The following SDK1 variants were observed in gnomAD, a reference collection of about 807,000 sequenced individuals.
The protein encoded by SDK1 is protein sidekick-1.
Under a neutral mutation model 245.5 loss-of-function variants are expected in SDK1, and 157 were observed. The observed-to-expected ratio is 0.64, with a 90% CI of 0.56 to 0.73. SDK1 has a LOEUF of 0.73. Ranked by LOEUF, SDK1 falls within the 30% of genes least tolerant of loss-of-function variation. SDK1 has a pLI of 0.00. For synonymous variants in SDK1, 1,647 were observed against 1,278.5 expected (o/e 1.29, Z -6.15); for missense variants, 3,583 against 3,002.3 (o/e 1.19, Z -4.52).
Position 4,214,287 on chromosome 7 carries a change from C to T in SDK1, c.5539+4125C>T, listed in dbSNP as rs570235177. 2.2e-4 allele frequency among the ~76,000 whole-genome samples: 33 copies of T among 152,296 alleles called. No homozygotes were observed. The South Asian group carries it at 6.6e-3, about 31-fold the overall frequency. ...GGGGCTTGAGGAGGATTCACTAAAG[C>T]GTTTTATATTCTAGACAAACCGCTG... On this transcript the variant is annotated intron_variant, in intron 38 of 44. Transcript: ENST00000404826.
At chr7:3,949,454 C>T (rs554034346) in intron 5 of SDK1, among the ~76,000 whole-genome samples, 4 of 152,364 alleles carry the variant, frequency 2.6e-5, no homozygotes, top group Admixed American at 1.3e-4. Context: ...GGCCCTCACC[C>T]CACCGCCAGC....
intron 4 of SDK1, among the ~76,000 whole-genome samples, chr7:3,712,976 C>T (rs940487084): frequency 4.6e-5 from 7 of 152,216 alleles, no homozygotes; most frequent in African/African-American, 1.4e-4. Flanking sequence ...GCCTGACACC[C>T]AGGAATGCTG....
chr7:3,552,470 C>G (rs951818596), intron 1 of SDK1, among the ~76,000 whole-genome samples: 2 of 152,212 alleles, frequency 1.3e-5, no homozygotes, highest in Non-Finnish European at 2.9e-5. Context: ...TACCTCTTCT[C>G]CCTCTCATCT....
chr7:4,008,063 C>T (rs1026141746), intron 14 of SDK1, among the ~76,000 whole-genome samples: 4 of 152,168 alleles, frequency 2.6e-5, no homozygotes, highest in African/African-American at 9.7e-5. Context: ...AGTCGCTCCC[C>T]GTTGCCCTTT....
intron 44 of SDK1, among the ~76,000 whole-genome samples, chr7:4,256,957 G>A (rs992412582): frequency 3.9e-5 from 6 of 152,316 alleles, no homozygotes; most frequent in African/African-American, 1.4e-4. Context: ...CCTGATCGGA[G>A]GTGCTCCTCT....
chr7:3,812,624 A>G lies in SDK1; in HGVS notation c.714-8826A>G, dbSNP rs1000572912. On this transcript the variant is annotated intron_variant, in intron 4 of 44. Transcript: ENST00000404826. ...TGAAATGTTTTTCAAGGCATGGGCC[A>G]TTATGGTAACTAAACTGGTGGAGGC... 4.6e-5 allele frequency among the ~76,000 whole-genome samples: 7 copies of G among 152,240 alleles called. No homozygotes were observed. In the South Asian group the frequency reaches 1.4e-3, roughly 31 times the overall value.
chr7:4,237,809 G>A (rs368983757), intron 42 of SDK1, 25 bp downstream of exon 42: 169 of 1,612,938 alleles, frequency 1.0e-4, no homozygotes, highest in Non-Finnish European at 1.4e-4. Flanking sequence ...CCTTCCTCGC[G>A]TGTCCCACGA....
chr7:3,477,896 C>A (rs1297172986), intron 1 of SDK1, among the ~76,000 whole-genome samples: 1 of 152,206 alleles, frequency 6.6e-6, no homozygotes, highest in African/African-American at 2.4e-5. Context: ...CTGATTTGTT[C>A]GTTTCACAGG....
intron 5 of SDK1, among the ~76,000 whole-genome samples, chr7:3,829,134 A>T (rs1472118605): frequency 6.6e-6 from 1 of 152,218 alleles, no homozygotes; most frequent in Non-Finnish European, 1.5e-5. Context: ...ATTAAAATAT[A>T]CTGAAATAGT....
intron 17 of SDK1, among the ~76,000 whole-genome samples, chr7:4,047,945 G>A (rs547416321): frequency 3.3e-5 from 5 of 152,332 alleles, no homozygotes; most frequent in Non-Finnish European, 7.3e-5. Flanking sequence ...ATGGCAAGTA[G>A]GGCAGTTTCC....
intron 5 of SDK1, among the ~76,000 whole-genome samples, chr7:3,843,468 A>C (rs1007560633): frequency 6.6e-5 from 10 of 151,952 alleles, no homozygotes; most frequent in Non-Finnish European, 1.5e-4. Context: ...ATAGGACTTG[A>C]CTCTTTCTTC....
chr7:3,801,819 G>A (rs996987089), intron 4 of SDK1, among the ~76,000 whole-genome samples: 1 of 152,166 alleles, frequency 6.6e-6, no homozygotes, highest in Admixed American at 6.5e-5. Flanking sequence ...TCTCACCTCC[G>A]TCTTCATGTG....
At chr7:3,603,680 C>T (rs190372337) in intron 1 of SDK1, among the ~76,000 whole-genome samples, 7 of 152,264 alleles carry the variant, frequency 4.6e-5, no homozygotes, top group African/African-American at 1.4e-4. Context: ...TTGTTTCCTT[C>T]TCCTGCCTGA....
At chr7:4,224,596 A>G (rs1409933359) in intron 40 of SDK1, among the ~76,000 whole-genome samples, 2 of 152,200 alleles carry the variant, frequency 1.3e-5, no homozygotes, top group African/African-American at 2.4e-5. Flanking sequence ...GAGCCAAACA[A>G]TATCACCAGT....
intron 13 of SDK1, among the ~76,000 whole-genome samples, chr7:3,979,084 A>T (rs1302750481): frequency 6.6e-6 from 1 of 152,228 alleles, no homozygotes; most frequent in Non-Finnish European, 1.5e-5. Flanking sequence ...TGGGGCCAAT[A>T]GGAGCAAAGG....
intron 10 of SDK1, 120 bp from the exon 11 acceptor site, chr7:3,969,136 GA>G: frequency 1.1e-6 from 1 of 878,346 alleles, no homozygotes; most frequent in South Asian, 2.4e-5. Context: ...TGCAATTCGA[GA>G]CGAGACTTGG....
At chr7:3,438,105 T>C (rs904873099) in intron 1 of SDK1, among the ~76,000 whole-genome samples, 16 of 152,210 alleles carry the variant, frequency 1.1e-4, no homozygotes, top group African/African-American at 3.9e-4. Flanking sequence ...TCTCTTGACC[T>C]AGCCCCCTGC....
At chr7:3,606,799 C>G (rs375456336) in intron 1 of SDK1, among the ~76,000 whole-genome samples, 95 of 151,894 alleles carry the variant, frequency 6.3e-4, no homozygotes, top group Non-Finnish European at 1.1e-3. Flanking sequence ...ATTATCATTA[C>G]ATTATATAAA....
intron 9 of SDK1, 31 bp downstream of exon 9, chr7:3,962,882 C>A: frequency 8.3e-6 from 13 of 1,558,166 alleles, no homozygotes; most frequent in Non-Finnish European, 1.1e-5. Context: ...AGCTACCTGA[C>A]CTGGACGTAT....
Sources: allele counts gnomAD v4.1 joint callset (sites outside exome capture counted in the v4.1 genomes callset), GRCh38; gene constraint gnomAD v4.1.1; transcripts MANE v1.5; gene names NCBI Gene and HGNC (gene_info 2026-07-23, HGNC 2026-07-21).